FAT3: variants seen among roughly 807,000 people sequenced by gnomAD.
FAT3 encodes the protein FAT atypical cadherin 3.
FAT3 carries 95 observed loss-of-function variants against 310.2 expected under a neutral mutation model. The ratio of observed to expected loss-of-function variants is 0.31; its 90% confidence interval spans 0.26 to 0.36. The LOEUF (loss-of-function observed/expected upper bound fraction) is 0.36, where lower values mean the gene tolerates loss of function less well. Ranked by LOEUF, FAT3 falls within the 10% of genes least tolerant of loss-of-function variation. FAT3 has a pLI of 1.00. For synonymous variants in FAT3, 2,314 were observed against 2,192.9 expected, an observed-to-expected ratio of 1.06 and a Z score of -1.54; for missense variants, 5,408 against 5,715.6, an observed-to-expected ratio of 0.95 and a Z score of 1.74.
At chr11:92,378,299 T>A (rs1353062066) in intron 2 of FAT3, among the ~76,000 whole-genome samples, 1 of 152,204 alleles carries the variant, frequency 6.6e-6, no homozygotes, top group African/African-American at 2.4e-5. Flanking sequence ...TAATGCTCTC[T>A]TGGCCAGTGG....
At chr11:92,590,714 A>C (rs866549253) in intron 3 of FAT3, among the ~76,000 whole-genome samples, 3 of 152,262 alleles carry the variant, frequency 2.0e-5, no homozygotes, top group Middle Eastern at 6.8e-3. Context: ...TTCAGTAAGC[A>C]AGGGTTTATT....
chr11:92,403,852 T>G (rs1156662719), intron 2 of FAT3, among the ~76,000 whole-genome samples: 1 of 152,064 alleles, frequency 6.6e-6, no homozygotes, highest in Non-Finnish European at 1.5e-5. Flanking sequence ...CTGGCTAACA[T>G]GGTGAAACCC....
At chr11:92,789,915 C>A in intron 7 of FAT3, 28 bp from the exon 8 acceptor site, 1 of 1,608,488 alleles carries the variant, frequency 6.2e-7, no homozygotes, top group South Asian at 1.1e-5. Context: ...TGGCATTAGT[C>A]ATCATTCTTT....
rs755132494 is a variant in FAT3 at position 92,844,069 on chromosome 11, G to A, written c.10702G>A (p.Gly3568Arg). Reference sequence around the variant, plus strand: ...CACCATGGAGGATGACTTTCCTGGTGGGGTCATTGGGAAGATTCATGCCAC... The same window carrying A: ...CACCATGGAGGATGACTTTCCTGGTAGGGTCATTGGGAAGATTCATGCCAC... ...IVTMEDDFPG[G>R]VIGKIHATDQ... is the part of the protein sequence containing the mutation. The change falls in exon 19 of 28, where the codon GGG becomes AGG. Residue 3568 changes from glycine (G) to arginine (R), a missense_variant. This residue lies in a region of FAT3 where 4,588 missense variants were observed against 4,809.8 expected (regional missense o/e 0.95). Transcript: ENST00000525166. 6.2e-7 allele frequency: 1 copy of A among 1,613,954 alleles called. No homozygotes were observed. Among genetic ancestry groups the A allele is most frequent in the South Asian group, 1.1e-5 (1 of 91,070 alleles).
At chr11:92,765,633 T>G (rs771803819) in intron 6 of FAT3, among the ~76,000 whole-genome samples, 28 of 145,566 alleles carry the variant, frequency 1.9e-4, no homozygotes, top group Non-Finnish European at 3.0e-4. Flanking sequence ...CCTTTTACGG[T>G]TTTTTTTTAA....
intron 3 of FAT3, among the ~76,000 whole-genome samples, chr11:92,662,992 G>T (rs1417013533): frequency 6.6e-6 from 1 of 152,186 alleles, no homozygotes; most frequent in Non-Finnish European, 1.5e-5. Flanking sequence ...CCAGTTCATT[G>T]CTGGAGACTG....
At chr11:92,377,622 C>T (rs931327251) in intron 2 of FAT3, among the ~76,000 whole-genome samples, 1 of 152,194 alleles carries the variant, frequency 6.6e-6, no homozygotes, top group Non-Finnish European at 1.5e-5. Context: ...GCAATACTTT[C>T]TCTTGGTTCA....
At chr11:92,617,902 G>A (rs929170851) in intron 3 of FAT3, among the ~76,000 whole-genome samples, 16 of 152,320 alleles carry the variant, frequency 1.1e-4, no homozygotes, top group African/African-American at 3.8e-4. Context: ...CTACTGGGGG[G>A]TGTCTCCCAG....
At chr11:92,559,765 GTT>G (rs2135464947) in intron 3 of FAT3, among the ~76,000 whole-genome samples, 1 of 152,246 alleles carries the variant, frequency 6.6e-6, no homozygotes, top group South Asian at 2.1e-4. Context: ...TTAGCATAAT[GTT>G]TTTAAGGATC....
chr11:92,254,885 T>A (rs961303764), intron 1 of FAT3, among the ~76,000 whole-genome samples: 4 of 152,052 alleles, frequency 2.6e-5, no homozygotes, highest in Non-Finnish European at 5.9e-5. Context: ...TTTGTATTTT[T>A]AGTAGAGATC....
At chr11:92,395,771 G>T (rs1949854972) in intron 2 of FAT3, among the ~76,000 whole-genome samples, 1 of 151,926 alleles carries the variant, frequency 6.6e-6, no homozygotes, top group African/African-American at 2.4e-5. Flanking sequence ...TAGAGACAGG[G>T]TTTCACCATG....
At chr11:92,460,940 G>A (rs528062105) in intron 2 of FAT3, among the ~76,000 whole-genome samples, 10 of 152,224 alleles carry the variant, frequency 6.6e-5, no homozygotes, top group Non-Finnish European at 1.3e-4. Flanking sequence ...AAACCAAATA[G>A]AAGATCCCCT....
intron 3 of FAT3, among the ~76,000 whole-genome samples, chr11:92,657,062 C>G (rs499658): frequency 0.48 from 73,514 of 151,826 alleles, 18,025 homozygotes; most frequent in African/African-American, 0.5. Context: ...CCCTGTTCTA[C>G]AGGAAGAGTG....
At chr11:92,342,938 T>C (rs1468897597) in intron 1 of FAT3, among the ~76,000 whole-genome samples, 1 of 152,152 alleles carries the variant, frequency 6.6e-6, no homozygotes, top group Non-Finnish European at 1.5e-5. Context: ...GAAGTGATTT[T>C]TAAAAGGCTT....
At chr11:92,859,588 G>T (rs542238378) in intron 21 of FAT3, among the ~76,000 whole-genome samples, 5 of 152,078 alleles carry the variant, frequency 3.3e-5, no homozygotes, top group African/African-American at 1.2e-4. Flanking sequence ...AGCTGTAATC[G>T]CTCAACAGTT....
intron 9 of FAT3, among the ~76,000 whole-genome samples, chr11:92,794,636 T>A (rs77033932): frequency 6.6e-6 from 1 of 152,358 alleles, no homozygotes; most frequent in Non-Finnish European, 1.5e-5. Context: ...TGGTGCCCAG[T>A]CGTTTCTTTA....
rs1427283287 is a variant in FAT3 at position 92,442,100 on chromosome 11, TATATATA to T, written c.3293-82533_3293-82527del. On this transcript the variant is annotated intron_variant, in intron 2 of 27. Transcript: ENST00000525166. ...TATATTTTATATATATATATATATA[TATATATA>T]TATATTTTTTTTTTTTTTTTTTTTG... is the stretch of plus-strand genomic sequence containing the variant. Among the ~76,000 whole-genome samples the T allele has an allele frequency of 4.8e-4, 28 of 58,320 alleles. 3 individuals are homozygous for T. In the East Asian group the frequency reaches 5.7e-3, roughly 12 times the overall value. 38.3% of individuals were successfully genotyped at this position (58,320 alleles called of 152,430 possible). A position where few individuals can be genotyped will look rare whatever the true frequency, so the allele number is the denominator to read the frequency against.
intron 1 of FAT3, among the ~76,000 whole-genome samples, chr11:92,257,907 C>A (rs76952137): frequency 2.6e-5 from 4 of 152,014 alleles, no homozygotes; most frequent in African/African-American, 9.7e-5. Context: ...TGGTCAAAAG[C>A]GTGCATTATG....
chr11:92,837,514 G>A (rs989825103), intron 16 of FAT3, 149 bp from the exon 17 acceptor site: 10 of 919,148 alleles, frequency 1.1e-5, no homozygotes, highest in African/African-American at 1.0e-4. Flanking sequence ...CCAAATGTCA[G>A]TGGTGCCAAG....
Sources: allele counts gnomAD v4.1 joint callset (sites outside exome capture counted in the v4.1 genomes callset), GRCh38; gene constraint gnomAD v4.1.1; regional missense constraint gnomAD v4.1.1; transcripts MANE v1.5; gene names NCBI Gene and HGNC (gene_info 2026-07-23, HGNC 2026-07-21).